Variants in CSMD2 observed in about 807,000 individuals in gnomAD.
CSMD2 encodes CUB and sushi domain-containing protein 2.
A neutral mutation model predicts 398.5 loss-of-function variants in CSMD2; 130 were observed. The ratio of observed to expected loss-of-function variants is 0.33; its 90% CI spans 0.28 to 0.38. The LOEUF (loss-of-function observed/expected upper bound fraction) is 0.38, where lower values mean the gene tolerates loss of function less well. CSMD2 is among the 10% of genes least tolerant of loss of function. The pLI, the probability that CSMD2 is intolerant of heterozygous loss-of-function variation, is 1.00. For missense variants in CSMD2, 3,829 were observed against 4,764.9 expected, an observed-to-expected ratio of 0.80 and a Z score of 5.78; for synonymous variants, 1,828 against 1,908.5, an observed-to-expected ratio of 0.96 and a Z score of 1.10.
At chr1:34,092,646 C>T (rs559468526) in intron 1 of CSMD2, among the ~76,000 whole-genome samples, 8 of 152,300 alleles carry the variant, frequency 5.3e-5, no homozygotes, top group East Asian at 1.9e-4. Flanking sequence ...AAAGGGGTGA[C>T]GGACGGCACC....
chr1:33,567,627 A>C lies in CSMD2; in HGVS notation c.8346T>G (p.Asp2782Glu). ...AAGGGGTCTTGCCCGACCAGTGATG[A>C]TCCTGCTGGCAGATGCGCACAGACA... ...IGMSVRICQQ[D>E]HHWSGKTPFC... Residue 2782 changes from aspartate to glutamate, a missense_variant, in exon 53 of 71, where the codon GAT becomes GAG. Physicochemically the swap from Asp to Glu is conservative, Grantham distance 45 (BLOSUM62 2). This residue lies in a region of CSMD2 where 917 missense variants were observed against 1,199.5 expected (regional missense o/e 0.76). Coordinates refer to ENST00000373381, the MANE Select transcript of CSMD2 (RefSeq NM_001281956.2). 2 of 1,614,206 alleles carry C rather than the reference A, an allele frequency of 1.2e-6. No individual in the cohort carries two copies. The highest frequency in any genetic ancestry group is 1.7e-6 in the Non-Finnish European group (2 of 1,180,034).
chr1:33,794,704 G>A (rs973389615), intron 10 of CSMD2, among the ~76,000 whole-genome samples: 1 of 152,228 alleles, frequency 6.6e-6, no homozygotes, highest in Non-Finnish European at 1.5e-5. Context: ...AGGAGCAGGA[G>A]CATTGAGGGA....
Position 33,519,928 on chromosome 1 carries a change from G to T in CSMD2, c.10620C>A (p.Asp3540Glu). Reference sequence around the variant, plus strand: ...CAAAGTGGCGGCCAATGGACTCGGGGTCTGACTCCAGCAGCCTGAGGTCTG... The same window carrying T: ...CAAAGTGGCGGCCAATGGACTCGGGTTCTGACTCCAGCAGCCTGAGGTCTG... ...QRLDLRLLES[D>E]PESIGRHFAS... The change falls in exon 69 of 71, where the codon GAC (aspartate) becomes GAA (glutamate). Residue 3540 changes from aspartate to glutamate, a missense_variant. Asp to Glu is a conservative substitution (Grantham distance 45). This residue lies in a region of CSMD2 where 917 missense variants were observed against 1,199.5 expected (regional missense o/e 0.76). Transcript: ENST00000373381. This position sits in a 1 kb window ranked among gnomAD's most constrained non-coding sequence, Gnocchi z 5.6. 6.2e-7 allele frequency: 1 copy of T among 1,614,182 alleles called. No individual in the cohort carries two copies. Among genetic ancestry groups the T allele is most frequent in the African/African-American group, 1.3e-5 (1 of 75,046 alleles).
chr1:33,844,288 G>GA (rs35574641), intron 6 of CSMD2, among the ~76,000 whole-genome samples: 3 of 45,290 alleles, frequency 6.6e-5, no homozygotes, highest in South Asian at 6.4e-4. Flanking sequence ...GTGTGTGTGT[G>GA]GGGGGGCGCT....
intron 57 of CSMD2, 57 bp downstream of exon 57, chr1:33,545,980 C>T: frequency 6.5e-7 from 1 of 1,529,252 alleles, no homozygotes; most frequent in Non-Finnish European, 8.9e-7. Context: ...AGAGCAGGAG[C>T]AGGGGCGAGC....
intron 2 of CSMD2, among the ~76,000 whole-genome samples, chr1:34,063,203 C>T (rs376389538): frequency 6.6e-6 from 1 of 152,094 alleles, no homozygotes; most frequent in East Asian, 1.9e-4. Flanking sequence ...CATATCATTC[C>T]AACCCTGGCC....
rs1320092007 is a variant in CSMD2 at position 33,743,497 on chromosome 1, A to G, written c.1956T>C (p.Pro652=). Residue 652 remains proline, a synonymous_variant, in exon 14 of 71, where the codon CCT becomes CCC. Transcript: ENST00000373381. ...LHCVWLILAR[P]ESRIHLAFND... is the part of the protein sequence containing the mutation. ...TGAAGGCCAGGTGGATGCGGCTCTC[A>G]GGCCTGGCCAGGATGAGCCAGACAC... The G allele has an allele frequency of 3.7e-6, 6 of 1,614,094 alleles. No homozygotes were observed. The highest frequency in any genetic ancestry group is 1.1e-5 in the South Asian group (1 of 91,088).
At chr1:34,047,748 A>C (rs1652696576) in intron 2 of CSMD2, among the ~76,000 whole-genome samples, 1 of 152,204 alleles carries the variant, frequency 6.6e-6, no homozygotes, top group Non-Finnish European at 1.5e-5. Context: ...ATTGTTAGCC[A>C]ATCATCCAAA....
At chr1:33,856,716 C>G (rs1156242843) in intron 5 of CSMD2, among the ~76,000 whole-genome samples, 3 of 152,008 alleles carry the variant, frequency 2.0e-5, no homozygotes, top group Admixed American at 2.0e-4. Flanking sequence ...AATGAGTGAG[C>G]TGCCCAACAG....
intron 29 of CSMD2, among the ~76,000 whole-genome samples, chr1:33,644,438 T>C (rs1643299564): frequency 6.6e-6 from 1 of 152,076 alleles, no homozygotes; most frequent in African/African-American, 2.4e-5. Flanking sequence ...AATTTTGGAA[T>C]CTCTGCCAAG....
intron 28 of CSMD2, among the ~76,000 whole-genome samples, chr1:33,650,165 A>C (rs1051757171): frequency 6.6e-6 from 1 of 152,162 alleles, no homozygotes; most frequent in African/African-American, 2.4e-5. Context: ...TCAAATTTTG[A>C]GCACCCTCGA....
intron 66 of CSMD2, among the ~76,000 whole-genome samples, chr1:33,524,157 A>C (rs1654562989): frequency 6.6e-6 from 1 of 152,198 alleles, no homozygotes; most frequent in Admixed American, 6.5e-5. Flanking sequence ...CATTATAATG[A>C]ATGCATTTCC....
chr1:33,743,310 C>A lies in CSMD2; in HGVS notation c.2143G>T (p.Gly715Trp). 1 of 1,612,680 alleles carries A rather than the reference C, an allele frequency of 6.2e-7. No homozygotes were observed. The highest frequency in any genetic ancestry group is 1.1e-5 in the South Asian group (1 of 90,764). ...RLEFQTDHSTGKRGFNITFTT... is the reference protein window; with the variant it reads ...RLEFQTDHSTWKRGFNITFTT... ...AAAGTGATGTTGAAGCCCCTCTTCC[C>A]TGTGGAGTGGTCAGTCTGGAACTCG... The change falls in exon 14 of 71, where the codon GGG becomes TGG. Residue 715 changes from glycine (G) to tryptophan (W), a missense_variant. Physicochemically the swap from Gly to Trp is radical, Grantham distance 184. Around this residue, in one of 5 missense-constraint regions of CSMD2, gnomAD observed 2,001 missense variants for 2,567.1 expected, o/e 0.78. Coordinates refer to ENST00000373381, the MANE Select transcript of CSMD2 (RefSeq NM_001281956.2).
chr1:34,145,009 G>A (rs973827953), intron 1 of CSMD2, among the ~76,000 whole-genome samples: 12 of 152,226 alleles, frequency 7.9e-5, no homozygotes, highest in Non-Finnish European at 5.9e-5. Flanking sequence ...TGTGGCCCTT[G>A]GGGGACACCA....
chr1:33,778,645 A>G (rs1652305259), intron 12 of CSMD2, among the ~76,000 whole-genome samples: 1 of 152,202 alleles, frequency 6.6e-6, no homozygotes, highest in Admixed American at 6.5e-5. Flanking sequence ...AAACCGTGCC[A>G]AATGCCACAC....
At chr1:33,572,756 A>T in intron 49 of CSMD2, 65 bp from the exon 50 acceptor site, 9 of 1,354,938 alleles carry the variant, frequency 6.6e-6, no homozygotes, top group Non-Finnish European at 9.0e-6. Flanking sequence ...AACTATTTTT[A>T]TCCTTCCTCC....
intron 68 of CSMD2, among the ~76,000 whole-genome samples, chr1:33,520,618 T>C (rs1457885970): frequency 6.6e-6 from 1 of 151,896 alleles, no homozygotes; most frequent in African/African-American, 2.4e-5. Context: ...TCTCAGTCCA[T>C]GCAGCTCATG....
At chr1:33,570,017 C>T (rs903749310) in intron 51 of CSMD2, among the ~76,000 whole-genome samples, 2 of 152,210 alleles carry the variant, frequency 1.3e-5, no homozygotes, top group Non-Finnish European at 2.9e-5. Flanking sequence ...GAGGCCTAAT[C>T]GCCAAGGCTG....
intron 27 of CSMD2, among the ~76,000 whole-genome samples, chr1:33,653,962 CT>C (rs1231563927): frequency 6.6e-6 from 1 of 152,136 alleles, no homozygotes. Context: ...AGCACTGGTA[CT>C]TTAGCTGTGT....
Sources: allele counts gnomAD v4.1 joint callset (sites outside exome capture counted in the v4.1 genomes callset), GRCh38; gene constraint gnomAD v4.1.1; regional missense constraint gnomAD v4.1.1; non-coding constraint Gnocchi (gnomAD v3.1); transcripts MANE v1.5; gene names NCBI Gene and HGNC (gene_info 2026-07-23, HGNC 2026-07-21).